CDKL4: variants seen among roughly 807,000 people sequenced by gnomAD.
CDKL4 encodes cyclin dependent kinase like 4, also known as cyclin-dependent kinase-like 4.
In CDKL4, 44 loss-of-function variants were observed where a neutral mutation model predicts 42.0. The ratio of observed to expected loss-of-function variants is 1.05; its 90% CI spans 0.82 to 1.35. The LOEUF (loss-of-function observed/expected upper bound fraction) is 1.35, where lower values mean the gene tolerates loss of function less well. Among genes scored for constraint, CDKL4 ranks in the 40% most tolerant of loss-of-function variants. CDKL4 has a pLI of 0.00. For synonymous variants in CDKL4, 120 were observed against 121.6 expected (o/e 0.99, Z 0.09); for missense variants, 393 against 369.9 (o/e 1.06, Z -0.51).
At chr2:39,168,741 GT>G in the CDKL4 span, among the ~76,000 whole-genome samples, 8 of 143,412 alleles carry the variant, frequency 5.6e-5, no homozygotes, top group South Asian at 2.2e-4. Context: ...CTGAGTCCTT[GT>G]TTTTTTTTTG....
Position 39,185,347 on chromosome 2 carries a change from C to T in CDKL4, c.736-700G>A, listed in dbSNP as rs1483382323. On this transcript the variant is annotated intron_variant, in intron 7 of 9. Coordinates refer to ENST00000451199, the Ensembl canonical transcript of CDKL4. ...ATATACACATATGTATATATATACA[C>T]ATATGTATATATACATATATATATA... 4.5e-5 allele frequency among the ~76,000 whole-genome samples: 4 copies of T among 89,172 alleles called. 1 individual carries two copies. Among genetic ancestry groups the T allele is most frequent in the African/African-American group, 1.7e-4 (4 of 22,970 alleles). 58.5% of individuals were successfully genotyped at this position (89,172 alleles called of 152,430 possible).
upstream of CDKL4, among the ~76,000 whole-genome samples, chr2:39,245,893 C>A (rs1199080185): frequency 1.3e-5 from 2 of 152,178 alleles, no homozygotes; most frequent in Non-Finnish European, 2.9e-5. Flanking sequence ...TGTACTAGTA[C>A]CTGAGGCCTA....
chr2:39,236,154 TAA>T (rs58561018), intron 1 of CDKL4, among the ~76,000 whole-genome samples: 31 of 87,792 alleles, frequency 3.5e-4, no homozygotes, highest in African/African-American at 9.5e-4. Flanking sequence ...AATTTTAGAG[TAA>T]AAAAAAAAAA....
At chr2:39,232,850 C>T (rs1283919560) in intron 1 of CDKL4, among the ~76,000 whole-genome samples, 3 of 151,762 alleles carry the variant, frequency 2.0e-5, no homozygotes, top group Non-Finnish European at 1.5e-5. Context: ...TCGAGACCAT[C>T]CTGGCTAACA....
downstream of CDKL4, among the ~76,000 whole-genome samples, chr2:39,175,366 T>C (rs908239485): frequency 6.6e-6 from 1 of 152,226 alleles, no homozygotes; most frequent in Non-Finnish European, 1.5e-5. Context: ...CACTGTTTGC[T>C]ATGTATTGGA....
At chr2:39,235,373 A>G (rs1331695140) in intron 1 of CDKL4, among the ~76,000 whole-genome samples, 1 of 152,228 alleles carries the variant, frequency 6.6e-6, no homozygotes, top group African/African-American at 2.4e-5. Context: ...AAAATATTAT[A>G]AATTCTGACA....
chr2:39,207,125 C>T (rs1050918350), intron 4 of CDKL4, among the ~76,000 whole-genome samples: 3 of 152,170 alleles, frequency 2.0e-5, no homozygotes, highest in African/African-American at 7.2e-5. Flanking sequence ...GTCGCTGATG[C>T]CTGTAATACT....
At chr2:39,178,056 C>T (rs994590005) in intron 9 of CDKL4, among the ~76,000 whole-genome samples, 3 of 152,180 alleles carry the variant, frequency 2.0e-5, no homozygotes, top group East Asian at 3.8e-4. Flanking sequence ...GCTGCCTCAG[C>T]GATCTTTAAT....
At chr2:39,168,730 C>A in the CDKL4 span, among the ~76,000 whole-genome samples, 1 of 149,852 alleles carries the variant, frequency 6.7e-6, no homozygotes, top group Non-Finnish European at 1.5e-5. Flanking sequence ...AAAGAGAGAG[C>A]CTGAGTCCTT....
chr2:39,244,420 CCAGCGGCTG>C (rs1177391114), upstream of CDKL4, among the ~76,000 whole-genome samples: 1 of 152,246 alleles, frequency 6.6e-6, no homozygotes, highest in Non-Finnish European at 1.5e-5. Context: ...AGCACCCGGG[CCAGCGGCTG>C]CAGAAGGTGT....
chr2:39,185,361 CATATATATAT>C (rs34154031), intron 7 of CDKL4, among the ~76,000 whole-genome samples: 1,169 of 64,138 alleles, frequency 0.018, 374 homozygotes, highest in Non-Finnish European at 0.025. Flanking sequence ...TGTATATATA[CATATATATAT>C]ACATATGTAT....
chr2:39,174,865 A>G (rs1333788355), downstream of CDKL4, among the ~76,000 whole-genome samples: 2 of 152,016 alleles, frequency 1.3e-5, no homozygotes, highest in Non-Finnish European at 2.9e-5. Context: ...GTGCTGCAAA[A>G]TTTATAATTT....
chr2:39,187,564 C>A (rs1675898989), intron 7 of CDKL4, 63 bp downstream of exon 7: 8 of 1,144,490 alleles, frequency 7.0e-6, no homozygotes, highest in Non-Finnish European at 1.0e-5. Flanking sequence ...AAATAAATAA[C>A]AACTACCTCT....
In CDKL4 at chr2:39,180,031, G is replaced by C. The variant is rs145988450; in HGVS notation, c.793-710C>G. On this transcript the variant is annotated intron_variant, in intron 8 of 9. Coordinates refer to ENST00000451199, the Ensembl canonical transcript of CDKL4. ...GTCAGTGGGGGTCCTGACACAAAGA[G>C]GTTTTCTCTGAGAAACACTGATACT... Among the ~76,000 whole-genome samples the C allele has an allele frequency of 2.6e-3, 395 of 152,154 alleles. 2 individuals carry two copies. Among genetic ancestry groups the C allele is most frequent in the African/African-American group, 9.1e-3 (376 of 41,496 alleles).
At chr2:39,191,251 T>C (rs866718258) in intron 5 of CDKL4, among the ~76,000 whole-genome samples, 1 of 151,960 alleles carries the variant, frequency 6.6e-6, no homozygotes, top group Admixed American at 6.6e-5. Context: ...ATACGAAAAT[T>C]AGCCAGGCAT....
At chr2:39,214,906 G>A (rs995172576) in intron 3 of CDKL4, among the ~76,000 whole-genome samples, 3 of 152,150 alleles carry the variant, frequency 2.0e-5, no homozygotes, top group Non-Finnish European at 2.9e-5. Context: ...TTCCACTGGG[G>A]ATTGGGGGTC....
intron 8 of CDKL4, 132 bp downstream of exon 8, chr2:39,184,459 C>A (rs1238001148): frequency 3.3e-6 from 2 of 601,288 alleles, no homozygotes; most frequent in South Asian, 2.0e-5. Flanking sequence ...AATTGTTTTA[C>A]AGTTCTTTAT....
Position 39,180,587 on chromosome 2 carries a change from C to A in CDKL4, c.793-1266G>T, listed in dbSNP as rs545425482. 4.1e-4 allele frequency among the ~76,000 whole-genome samples: 62 copies of A among 152,222 alleles called. No homozygotes were observed. In the South Asian group the frequency reaches 0.012, roughly 30 times the overall value. On this transcript the variant is annotated intron_variant, in intron 8 of 9. Coordinates refer to ENST00000451199, the Ensembl canonical transcript of CDKL4. ...ACTGCCTGGTCCAAGCAGATGACCC[C>A]TAATTAATGACCCATGCCATATATC...
chr2:39,169,870 C>A, the CDKL4 span, among the ~76,000 whole-genome samples: 1 of 152,132 alleles, frequency 6.6e-6, no homozygotes, highest in African/African-American at 2.4e-5. Flanking sequence ...ATGATCTCAG[C>A]TCACTGCAAC....
Sources: gnomAD v4.1 joint callset for allele counts (sites outside exome capture counted in the v4.1 genomes callset) on GRCh38, gnomAD v4.1.1 for gene constraint, MANE v1.5 for transcripts, NCBI Gene and HGNC (gene_info 2026-07-23, HGNC 2026-07-21) for gene names.